Variants in MAML3 observed in about 807,000 individuals in gnomAD.
MAML3 encodes mastermind like transcriptional coactivator 3.
Under a neutral mutation model 101.9 loss-of-function variants are expected in MAML3, and 27 were observed. The observed-to-expected ratio is 0.27, with a 90% CI of 0.20 to 0.37. The LOEUF is 0.37. Among genes scored for constraint, MAML3 ranks in the 10% least tolerant of loss-of-function variants. The pLI, the probability that MAML3 is intolerant of heterozygous loss-of-function variation, is 1.00. For missense variants in MAML3, 1,316 were observed against 1,444.9 expected (o/e 0.91, Z 1.45); for synonymous variants, 501 against 555.9 (o/e 0.90, Z 1.39).
intron 2 of MAML3, among the ~76,000 whole-genome samples, chr4:139,822,384 G>A (rs1165331057): frequency 6.6e-6 from 1 of 152,064 alleles, no homozygotes; most frequent in African/African-American, 2.4e-5. Flanking sequence ...TGTGATTAAT[G>A]CTGAGTTTCT....
chr4:140,009,935 A>C (rs1242808731), intron 1 of MAML3, among the ~76,000 whole-genome samples: 1 of 152,236 alleles, frequency 6.6e-6, no homozygotes, highest in African/African-American at 2.4e-5. Flanking sequence ...TGGTTTAGCA[A>C]ATGGCTGGAT....
intron 1 of MAML3, among the ~76,000 whole-genome samples, chr4:139,934,095 A>G (rs995807648): frequency 3.1e-4 from 47 of 151,974 alleles, no homozygotes; most frequent in Admixed American, 3.1e-3. Flanking sequence ...GAATGTGTGA[A>G]TGAGTGTGTG....
Position 139,719,074 on chromosome 4 carries a change from C to T in MAML3, c.*249G>A, listed in dbSNP as rs1048064439. 21 of 473,268 alleles carry T rather than the reference C, an allele frequency of 4.4e-5. No homozygotes were observed. The Admixed American group carries it at 4.7e-4, about 11-fold the overall frequency. 29.3% of individuals were successfully genotyped at this position (473,268 alleles called of 1,614,324 possible). On this transcript the variant is annotated 3_prime_UTR_variant, in exon 5 of 5. Transcript: ENST00000509479. ...GGCTTCATCTTCCCACCTGCTCCTC[C>T]GGGTGTCTCCCTCTCTCGCAGCCGG...
intron 1 of MAML3, among the ~76,000 whole-genome samples, chr4:139,956,837 G>C (rs1277627971): frequency 6.6e-6 from 1 of 152,206 alleles, no homozygotes; most frequent in Non-Finnish European, 1.5e-5. Context: ...CCTGACAAAA[G>C]GTCGAGACAC....
At chr4:139,871,806 T>C (rs1345117119) in intron 2 of MAML3, among the ~76,000 whole-genome samples, 1 of 152,234 alleles carries the variant, frequency 6.6e-6, no homozygotes, top group Non-Finnish European at 1.5e-5. Flanking sequence ...CAATGCACAG[T>C]GCTGACGTCT....
chr4:140,080,172 C>A (rs906032767), intron 1 of MAML3, among the ~76,000 whole-genome samples: 2 of 152,170 alleles, frequency 1.3e-5, no homozygotes, highest in Non-Finnish European at 2.9e-5. Context: ...GTGTAATTAA[C>A]CCAAAGGTAC....
rs1728096492 is a variant in MAML3 at position 139,718,701 on chromosome 4, A to G, written c.*622T>C. 1 of 152,350 alleles carries G rather than the reference A, an allele frequency of 6.6e-6. No individual in the cohort carries two copies. The highest frequency in any genetic ancestry group is 2.1e-4 in the South Asian group (1 of 4,828). 9.4% of individuals were successfully genotyped at this position (152,350 alleles called of 1,614,324 possible). On this transcript the variant is annotated 3_prime_UTR_variant, in exon 5 of 5. Coordinates refer to ENST00000509479, the MANE Select transcript of MAML3 (RefSeq NM_018717.5). ...CCTGAGGGTCATCATGGGGCAGGAG[A>G]CAGACAGTCCTGTAGGATCTGTGGT... is the stretch of plus-strand genomic sequence containing the variant.
intron 1 of MAML3, among the ~76,000 whole-genome samples, chr4:140,145,890 T>TTTTTTTTTTG (rs61039736): frequency 2.7e-5 from 4 of 146,278 alleles, no homozygotes; most frequent in Non-Finnish European, 6.0e-5. Flanking sequence ...TTTTTTTTTT[T>TTTTTTTTTTG]GAGAAGGATT....
rs1553977993 is a variant in MAML3 at position 140,123,108 on chromosome 4, T to TG, written c.468+29751dup. On this transcript the variant is annotated intron_variant, in intron 1 of 4. Coordinates refer to ENST00000509479, the MANE Select transcript of MAML3 (RefSeq NM_018717.5). ...AGCTCTGCGGTTTTTTTTTTTTTTT[T>TG]GCTCTGTAGCTTTTTAAAGATACAG... is the stretch of plus-strand genomic sequence containing the variant. Among the ~76,000 whole-genome samples the TG allele has an allele frequency of 6.0e-5, 9 of 149,862 alleles. No homozygotes were observed. The South Asian group carries it at 1.7e-3, about 28-fold the overall frequency.
At chr4:139,849,329 A>G (rs1731508142) in intron 2 of MAML3, among the ~76,000 whole-genome samples, 1 of 152,224 alleles carries the variant, frequency 6.6e-6, no homozygotes, top group Non-Finnish European at 1.5e-5. Context: ...AAGTGGTTAA[A>G]AGGAAAACTG....
In MAML3 at chr4:140,111,017, G is replaced by A. The variant is rs905134759; in HGVS notation, c.468+41843C>T. Among the ~76,000 whole-genome samples the A allele has an allele frequency of 3.9e-5, 6 of 152,100 alleles. No homozygotes were observed. The East Asian group carries it at 7.7e-4, about 20-fold the overall frequency. ...TTTGTGCACCTGTCAGAATGGGCCC[G>A]AAATGTTTTATTTATGGCTAAATCC... On this transcript the variant is annotated intron_variant, in intron 1 of 4. Coordinates refer to ENST00000509479, the MANE Select transcript of MAML3 (RefSeq NM_018717.5).
chr4:139,866,086 G>T (rs905392376), intron 2 of MAML3, among the ~76,000 whole-genome samples: 2 of 152,232 alleles, frequency 1.3e-5, no homozygotes, highest in Non-Finnish European at 2.9e-5. Flanking sequence ...AAGGGAATTG[G>T]GTGGTCCAGG....
At chr4:140,030,364 C>G (rs1446748587) in intron 1 of MAML3, among the ~76,000 whole-genome samples, 1 of 152,214 alleles carries the variant, frequency 6.6e-6, no homozygotes, top group Non-Finnish European at 1.5e-5. Context: ...AGGGGGCCTG[C>G]CCTAAATTGT....
rs149898133 is a variant in MAML3, at chr4:140,094,387, A to G, written c.468+58473T>C. ...CCAGAGAGGGGAATCTGTTCGGTGC[A>G]TAACAAAGAAAAATCACAAGTAAAA... On this transcript the variant is annotated intron_variant, in intron 1 of 4. Coordinates refer to ENST00000509479, the MANE Select transcript of MAML3 (RefSeq NM_018717.5). 4.9e-4 allele frequency among the ~76,000 whole-genome samples: 75 copies of G among 152,344 alleles called. No homozygotes were observed. The East Asian group carries it at 0.014, about 29-fold the overall frequency.
intron 1 of MAML3, among the ~76,000 whole-genome samples, chr4:140,101,277 C>T (rs1220929048): frequency 6.6e-6 from 1 of 152,120 alleles, no homozygotes; most frequent in African/African-American, 2.4e-5. Context: ...CCTTTTGGCC[C>T]AGCGTCCTAC....
chr4:139,806,975 G>A (rs1390160883), intron 2 of MAML3, among the ~76,000 whole-genome samples: 1 of 152,118 alleles, frequency 6.6e-6, no homozygotes, highest in Non-Finnish European at 1.5e-5. Flanking sequence ...CACATCAGGT[G>A]CATAGTTCTT....
chr4:139,761,010 G>A (rs1350255206), intron 2 of MAML3, among the ~76,000 whole-genome samples: 2 of 152,002 alleles, frequency 1.3e-5, no homozygotes, highest in Non-Finnish European at 2.9e-5. Flanking sequence ...CCAGGCTGGA[G>A]TACAATGGCG....
At chr4:139,782,692 G>A (rs530042975) in intron 2 of MAML3, among the ~76,000 whole-genome samples, 1 of 152,244 alleles carries the variant, frequency 6.6e-6, no homozygotes, top group African/African-American at 2.4e-5. Context: ...ACTGCAAACT[G>A]AGCTTCTTTA....
intron 1 of MAML3, among the ~76,000 whole-genome samples, chr4:139,989,825 C>A (rs191905371): frequency 2.7e-5 from 4 of 149,864 alleles, no homozygotes; most frequent in Admixed American, 6.7e-5. Flanking sequence ...CACTGCTGAC[C>A]CCTGCACCCC....
Sources: gnomAD v4.1 joint callset for allele counts (sites outside exome capture counted in the v4.1 genomes callset) on GRCh38, gnomAD v4.1.1 for gene constraint, MANE v1.5 for transcripts, NCBI Gene and HGNC (gene_info 2026-07-23, HGNC 2026-07-21) for gene names.